PTPRD: variants seen among roughly 807,000 people sequenced by gnomAD.
The protein encoded by PTPRD is protein tyrosine phosphatase receptor type D.
Under a neutral mutation model 214.5 loss-of-function variants are expected in PTPRD, and 34 were observed. That is an observed-to-expected ratio of 0.16 (90% CI 0.12 to 0.21). The LOEUF is 0.21. Ranked by LOEUF, PTPRD falls within the 10% of genes least tolerant of loss-of-function variation. The pLI is 1.00. For missense variants in PTPRD, 2,545 were observed against 2,398.7 expected (o/e 1.06, Z -1.27); for synonymous variants, 1,128 against 845.7 (o/e 1.33, Z -5.79).
chr9:8,681,179 T>A (rs1438365437), intron 12 of PTPRD, among the ~76,000 whole-genome samples: 1 of 152,108 alleles, frequency 6.6e-6, no homozygotes, highest in Non-Finnish European at 1.5e-5. Context: ...TGATCAATCA[T>A]CCATAGACGC....
intron 16 of PTPRD, 28 bp downstream of exon 16, chr9:8,527,317 G>A (rs2074439617): frequency 1.2e-6 from 2 of 1,602,000 alleles, no homozygotes; most frequent in Non-Finnish European, 1.7e-6. Flanking sequence ...TAGTGGGGTT[G>A]AAGTGCGCTT....
At chr9:9,107,157 G>A (rs1258583308) in intron 10 of PTPRD, among the ~76,000 whole-genome samples, 1 of 152,126 alleles carries the variant, frequency 6.6e-6, no homozygotes, top group Non-Finnish European at 1.5e-5. Flanking sequence ...TAGGAATAGA[G>A]TGTAAGAATC....
intron 36 of PTPRD, among the ~76,000 whole-genome samples, chr9:8,400,391 C>G (rs901582993): frequency 6.6e-6 from 1 of 152,160 alleles, no homozygotes; most frequent in Non-Finnish European, 1.5e-5. Flanking sequence ...GTTCTGCAAT[C>G]TTATGACTCT....
At chr9:10,182,988 G>C (rs577867313) in intron 3 of PTPRD, among the ~76,000 whole-genome samples, 112 of 152,088 alleles carry the variant, frequency 7.4e-4, no homozygotes, top group Middle Eastern at 3.4e-3. Context: ...TTCTAATCTT[G>C]GCTAAGTTAT....
chr9:9,944,618 T>A (rs1460765117), intron 4 of PTPRD, among the ~76,000 whole-genome samples: 1 of 151,652 alleles, frequency 6.6e-6, no homozygotes, highest in Non-Finnish European at 1.5e-5. Context: ...GGGTGAAGAG[T>A]ATTCCAAGAA....
At chr9:10,530,634 A>T (rs1359909445) in intron 2 of PTPRD, among the ~76,000 whole-genome samples, 3 of 152,138 alleles carry the variant, frequency 2.0e-5, no homozygotes, top group Non-Finnish European at 2.9e-5. Flanking sequence ...TCAGGAAATG[A>T]TGGGACTATG....
In PTPRD at chr9:8,369,906, T is replaced by C. The variant is rs140375832; in HGVS notation, c.4661+6030A>G. 4.9e-3 allele frequency among the ~76,000 whole-genome samples: 749 copies of C among 152,134 alleles called. 7 individuals carry two copies. The highest frequency in any genetic ancestry group is 0.016 in the African/African-American group (658 of 41,500). On this transcript the variant is annotated intron_variant, in intron 39 of 45. Coordinates refer to ENST00000381196, the MANE Select transcript of PTPRD (RefSeq NM_002839.4). ...TGTATTCATTCCTAACAAATGCAAA[T>C]ACTTAGAGCAAATCAGTTGTCATGT...
rs1236383694 is a variant in PTPRD at position 9,950,709 on chromosome 9, C to T, written c.-471-12099G>A. 6.2e-5 allele frequency among the ~76,000 whole-genome samples: 7 copies of T among 113,484 alleles called. 3 individuals carry two copies. Among genetic ancestry groups the T allele is most frequent in the African/African-American group, 2.2e-4 (7 of 31,516 alleles). 74.4% of individuals were successfully genotyped at this position (113,484 alleles called of 152,430 possible). A position where few individuals can be genotyped will look rare whatever the true frequency, so the allele number is the denominator to read the frequency against. ...CACTGCACTCCAGCCTGGGCGACAGCGAGACTCCGTCTCAAAAAAAAAAAA... is the reference window on the plus strand; with the variant it reads ...CACTGCACTCCAGCCTGGGCGACAGTGAGACTCCGTCTCAAAAAAAAAAAA... On this transcript the variant is annotated intron_variant, in intron 4 of 45. Transcript: ENST00000381196.
At chr9:9,997,286 T>TA in intron 4 of PTPRD, among the ~76,000 whole-genome samples, 1 of 11,072 alleles carries the variant, frequency 9.0e-5, no homozygotes, top group East Asian at 8.5e-4. Flanking sequence ...AGATAAGCAA[T>TA]TTTTTTTTTT....
chr9:9,739,985 T>C (rs1273424233), intron 6 of PTPRD, among the ~76,000 whole-genome samples: 3 of 152,162 alleles, frequency 2.0e-5, no homozygotes, highest in Admixed American at 6.5e-5. Context: ...TATCTGAAGA[T>C]TTTCTACCTC....
intron 5 of PTPRD, among the ~76,000 whole-genome samples, chr9:9,805,585 A>G (rs1289964622): frequency 6.6e-6 from 1 of 152,194 alleles, no homozygotes; most frequent in Non-Finnish European, 1.5e-5. Context: ...TTCTTTTATT[A>G]TAACTCAGGG....
chr9:9,095,490 T>C (rs1167524425), intron 10 of PTPRD, among the ~76,000 whole-genome samples: 1 of 152,198 alleles, frequency 6.6e-6, no homozygotes, highest in African/African-American at 2.4e-5. Context: ...ATTTGTAGTA[T>C]ATTAAAAATA....
chr9:9,348,974 G>A (rs75447980), intron 9 of PTPRD, among the ~76,000 whole-genome samples: 1 of 151,948 alleles, frequency 6.6e-6, no homozygotes, highest in Non-Finnish European at 1.5e-5. Context: ...TAGTGTCTGA[G>A]GTTATTGGTA....
intron 11 of PTPRD, among the ~76,000 whole-genome samples, chr9:8,811,500 T>A: frequency 6.6e-6 from 1 of 152,198 alleles, no homozygotes; most frequent in East Asian, 1.9e-4. Flanking sequence ...AAAGCTCTGT[T>A]AGCTATAACC....
intron 2 of PTPRD, among the ~76,000 whole-genome samples, chr9:10,511,564 CTGG>C (rs1438910929): frequency 9.1e-6 from 1 of 109,786 alleles, no homozygotes; most frequent in Non-Finnish European, 2.0e-5. Context: ...CCACCACACC[CTGG>C]TATTTTTTTT....
At chr9:9,902,642 T>G (rs2076669478) in intron 5 of PTPRD, among the ~76,000 whole-genome samples, 2 of 152,300 alleles carry the variant, frequency 1.3e-5, no homozygotes, top group South Asian at 4.1e-4. Context: ...GTTTATTTAG[T>G]TGCTGGCTTG....
chr9:9,088,581 G>GA (rs533619970), intron 10 of PTPRD, among the ~76,000 whole-genome samples: 3,774 of 32,964 alleles, frequency 0.11, 631 homozygotes, highest in Non-Finnish European at 0.18. Flanking sequence ...CTTAGTCTCA[G>GA]AAAAAAAAAA....
At chr9:9,566,255 G>C (rs79481896) in intron 8 of PTPRD, among the ~76,000 whole-genome samples, 8,683 of 151,878 alleles carry the variant, frequency 0.057, 331 homozygotes, top group Non-Finnish European at 0.089. Context: ...AACTCGATAA[G>C]ATAAAAATAA....
intron 12 of PTPRD, chr9:8,701,040 A>C (rs897082303): frequency 6.6e-6 from 1 of 152,112 alleles, no homozygotes. Context: ...GCGTGCCTGT[A>C]ATCCCAGCTA....
Sources: gnomAD v4.1 joint callset for allele counts (sites outside exome capture counted in the v4.1 genomes callset) on GRCh38, gnomAD v4.1.1 for gene constraint, MANE v1.5 for transcripts, NCBI Gene and HGNC (gene_info 2026-07-23, HGNC 2026-07-21) for gene names.